The following DYNC2LI1 variants were observed in gnomAD, a reference collection of about 807,000 sequenced individuals.
DYNC2LI1 encodes cytoplasmic dynein 2 light intermediate chain 1.
A neutral mutation model predicts 51.9 loss-of-function variants in DYNC2LI1; 45 were observed. That is an observed-to-expected ratio of 0.87 (90% CI 0.68 to 1.11). The LOEUF is 1.11. Among genes scored for constraint, DYNC2LI1 ranks in the 50% most tolerant of loss-of-function variants. The pLI is 0.00. For synonymous variants in DYNC2LI1, 130 were observed against 137.8 expected (o/e 0.94, Z 0.40); for missense variants, 490 against 417.4 (o/e 1.17, Z -1.51).
chr2:43,783,497 G>A (rs2104670841), intron 2 of DYNC2LI1, 23 bp from the exon 3 acceptor site: 2 of 1,522,130 alleles, frequency 1.3e-6, no homozygotes, highest in Non-Finnish European at 1.8e-6. Context: ...TTAACGCAGT[G>A]TTCCTTCTTT....
At chr2:43,790,570 T>G (rs955074685) in intron 5 of DYNC2LI1, among the ~76,000 whole-genome samples, 4 of 151,992 alleles carry the variant, frequency 2.6e-5, no homozygotes, top group African/African-American at 9.7e-5. Context: ...TAGTGAAATA[T>G]GATTTACTTT....
chr2:43,799,696 A>G (rs1029365786), intron 8 of DYNC2LI1, among the ~76,000 whole-genome samples: 1 of 152,170 alleles, frequency 6.6e-6, no homozygotes, highest in Non-Finnish European at 1.5e-5. Context: ...CAGATGGAGG[A>G]GTTGGGTTAG....
chr2:43,824,008 T>C, the DYNC2LI1 span: 1 of 1,614,174 alleles, frequency 6.2e-7, no homozygotes, highest in Non-Finnish European at 8.5e-7. Flanking sequence ...CTTTAGCACA[T>C]TGCTTCGGAC....
the DYNC2LI1 span, among the ~76,000 whole-genome samples, chr2:43,815,124 C>T: frequency 0.43 from 65,121 of 151,950 alleles, 15,684 homozygotes; most frequent in African/African-American, 0.65. Context: ...AAGGTACCAA[C>T]GTAGAAAGTT....
chr2:43,814,561 TAAAAG>T (rs773662516), downstream of DYNC2LI1: 16 of 1,605,154 alleles, frequency 1.0e-5, no homozygotes, highest in East Asian at 3.6e-4. Flanking sequence ...CTGATGATTT[TAAAAG>T]GAATGGGCAT....
chr2:43,783,670 A>G, intron 3 of DYNC2LI1, 116 bp downstream of exon 3: 1 of 630,052 alleles, frequency 1.6e-6, no homozygotes, highest in Non-Finnish European at 2.6e-6. Flanking sequence ...CAAAATATTT[A>G]ATTCTTAGCA....
intron 2 of DYNC2LI1, among the ~76,000 whole-genome samples, chr2:43,777,535 G>C (rs934175566): frequency 6.6e-6 from 1 of 152,240 alleles, no homozygotes; most frequent in Non-Finnish European, 1.5e-5. Flanking sequence ...GACACAAAAA[G>C]GTCAAGGCTT....
chr2:43,813,977 A>G (rs113316471), downstream of DYNC2LI1, among the ~76,000 whole-genome samples: 23 of 151,706 alleles, frequency 1.5e-4, no homozygotes, highest in Admixed American at 3.9e-4. Context: ...CCGACTCCCA[A>G]AGTGCTGGGA....
chr2:43,788,737 A>T (rs971586489), intron 4 of DYNC2LI1, among the ~76,000 whole-genome samples: 2 of 152,100 alleles, frequency 1.3e-5, no homozygotes, highest in African/African-American at 4.8e-5. Context: ...CTCCCGCATT[A>T]GCCTCCCAAG....
chr2:43,822,797 C>G, the DYNC2LI1 span: 4 of 1,614,162 alleles, frequency 2.5e-6, no homozygotes, highest in Non-Finnish European at 3.4e-6. Flanking sequence ...AACCCCTCAC[C>G]AGTAGCACAC....
At chr2:43,814,617 T>C, downstream of DYNC2LI1, 1 of 1,347,360 alleles carries the variant, frequency 7.4e-7, no homozygotes, top group South Asian at 1.2e-5. Context: ...AAAAATGAAA[T>C]TCAGTAGGCT....
At chr2:43,820,140 T>G in the DYNC2LI1 span, 1 of 1,591,462 alleles carries the variant, frequency 6.3e-7, no homozygotes, top group Non-Finnish European at 8.6e-7. Context: ...CTCCAAGGGC[T>G]ATCATTTAAG....
the DYNC2LI1 span, chr2:43,819,917 G>A: frequency 6.2e-7 from 1 of 1,614,058 alleles, no homozygotes; most frequent in Non-Finnish European, 8.5e-7. Context: ...TATCTTACCT[G>A]AGGAATCCAG....
chr2:43,814,400 T>G, downstream of DYNC2LI1: 1 of 943,492 alleles, frequency 1.1e-6, no homozygotes, highest in Non-Finnish European at 1.7e-6. Context: ...AGTTTTTATT[T>G]CAAAAATACA....
intron 7 of DYNC2LI1, among the ~76,000 whole-genome samples, chr2:43,796,495 T>C (rs1403343333): frequency 6.6e-6 from 1 of 152,232 alleles, no homozygotes; most frequent in East Asian, 1.9e-4. Context: ...CTAAATTCTA[T>C]TGAGCTAAGT....
chr2:43,823,383 C>A, the DYNC2LI1 span, among the ~76,000 whole-genome samples: 3 of 150,858 alleles, frequency 2.0e-5, no homozygotes, highest in Admixed American at 6.6e-5. Flanking sequence ...ATGTCAAGCT[C>A]TAGAGCAACT....
rs1453369906 is a variant in DYNC2LI1 at position 43,809,968 on chromosome 2, A to T, written c.*201A>T. Reference sequence around the variant, plus strand: ...GAAAAATTATTGTAGAACCACGTGTAATTTTTTTTAAAATAAAAGAATCTT... The same window carrying T: ...GAAAAATTATTGTAGAACCACGTGTTATTTTTTTTAAAATAAAAGAATCTT... On this transcript the variant is annotated 3_prime_UTR_variant, in exon 13 of 13. Coordinates refer to ENST00000260605, the MANE Select transcript of DYNC2LI1 (RefSeq NM_016008.4). 3.9e-6 allele frequency: 5 copies of T among 1,278,546 alleles called. No homozygotes were observed. The highest frequency in any genetic ancestry group is 5.0e-6 in the Non-Finnish European group (5 of 1,000,430). 79.2% of individuals were successfully genotyped at this position (1,278,546 alleles called of 1,614,324 possible). A position where few individuals can be genotyped will look rare whatever the true frequency, so the allele number is the denominator to read the frequency against.
chr2:43,827,088 G>T, the DYNC2LI1 span, among the ~76,000 whole-genome samples: 1 of 152,206 alleles, frequency 6.6e-6, no homozygotes, highest in Admixed American at 6.5e-5. Flanking sequence ...ACTTTGGGAG[G>T]TCAAGGCAGG....
chr2:43,826,617 A>AC, the DYNC2LI1 span: 5 of 1,573,742 alleles, frequency 3.2e-6, no homozygotes, highest in East Asian at 2.2e-5. Context: ...TTGAGTTTGT[A>AC]CCCCATTCAA....
Sources: allele counts gnomAD v4.1 joint callset (sites outside exome capture counted in the v4.1 genomes callset), GRCh38; gene constraint gnomAD v4.1.1; transcripts MANE v1.5; gene names NCBI Gene and HGNC (gene_info 2026-07-23, HGNC 2026-07-21).